KIAA0319L: variants seen among roughly 807,000 people sequenced by gnomAD.
The protein encoded by KIAA0319L is KIAA0319 like, also known as dyslexia-associated protein KIAA0319-like protein.
Under a neutral mutation model 120.1 loss-of-function variants are expected in KIAA0319L, and 55 were observed. The observed-to-expected ratio is 0.46, with a 90% CI of 0.37 to 0.57. KIAA0319L has a LOEUF of 0.57. Ranked by LOEUF, KIAA0319L falls within the 20% of genes least tolerant of loss-of-function variation. The pLI is 0.00. For missense variants in KIAA0319L, 1,049 were observed against 1,255.3 expected (o/e 0.84, Z 2.48); for synonymous variants, 398 against 471.9 (o/e 0.84, Z 2.03).
intron 3 of KIAA0319L, among the ~76,000 whole-genome samples, chr1:35,482,902 T>G (rs547691281): frequency 6.6e-5 from 10 of 152,232 alleles, no homozygotes; most frequent in South Asian, 2.1e-4. Context: ...CATATAATCT[T>G]GACAGAATTT....
At chr1:35,539,036 TAAG>T (rs1399206868) in intron 2 of KIAA0319L, among the ~76,000 whole-genome samples, 1 of 152,100 alleles carries the variant, frequency 6.6e-6, no homozygotes, top group Non-Finnish European at 1.5e-5. Context: ...GGCAGGGAAA[TAAG>T]AACACCCAAA....
At chr1:35,531,317 A>G (rs1425350031) in intron 2 of KIAA0319L, among the ~76,000 whole-genome samples, 1 of 152,158 alleles carries the variant, frequency 6.6e-6, no homozygotes, top group African/African-American at 2.4e-5. Context: ...TATACAGGAC[A>G]TTGTGTGGAC....
At chr1:35,550,140 C>T (rs1647145547) in intron 2 of KIAA0319L, among the ~76,000 whole-genome samples, 1 of 152,202 alleles carries the variant, frequency 6.6e-6, no homozygotes, top group Non-Finnish European at 1.5e-5. Flanking sequence ...TGCTTTCTAA[C>T]AGTAGGGCTT....
chr1:35,467,634 TTC>T (rs1643357268), intron 6 of KIAA0319L, among the ~76,000 whole-genome samples: 1 of 152,278 alleles, frequency 6.6e-6, no homozygotes, highest in African/African-American at 2.4e-5. Flanking sequence ...CTTTCTATTG[TTC>T]TTTCTTCCAT....
At chr1:35,464,094 T>C (rs1476338672) in intron 7 of KIAA0319L, among the ~76,000 whole-genome samples, 1 of 152,156 alleles carries the variant, frequency 6.6e-6, no homozygotes, top group African/African-American at 2.4e-5. Flanking sequence ...TGTGAAAACA[T>C]ACTGACACAG....
At chr1:35,457,240 CCA>C (rs1419941031) in intron 9 of KIAA0319L, among the ~76,000 whole-genome samples, 7 of 152,082 alleles carry the variant, frequency 4.6e-5, no homozygotes, top group African/African-American at 1.7e-4. Flanking sequence ...AGCTCAGAAA[CCA>C]AATCTTAAGA....
chr1:35,531,480 T>C (rs1646366655), intron 2 of KIAA0319L, among the ~76,000 whole-genome samples: 1 of 152,174 alleles, frequency 6.6e-6, no homozygotes, highest in Non-Finnish European at 1.5e-5. Context: ...ACTCTCAAAA[T>C]GGTCCTGTGT....
At chr1:35,466,927 A>C (rs1045051619) in intron 6 of KIAA0319L, among the ~76,000 whole-genome samples, 1 of 152,076 alleles carries the variant, frequency 6.6e-6, no homozygotes, top group African/African-American at 2.4e-5. Context: ...CCCCATCTCT[A>C]CCAAAAATAC....
Position 35,434,808 on chromosome 1 carries a change from G to T in KIAA0319L, c.*86C>A. 1 of 1,222,222 alleles carries T rather than the reference G, an allele frequency of 8.2e-7. No individual in the cohort carries two copies. Among genetic ancestry groups the T allele is most frequent in the Admixed American group, 2.3e-5 (1 of 43,138 alleles). 75.7% of individuals were successfully genotyped at this position (1,222,222 alleles called of 1,614,324 possible). The stretch of plus-strand genomic sequence containing the variant: ...AGGGCGAAATGACCAGCAGATGCTG[G>T]GACAGCAGCTGCCCGCAGACTCGGG... On this transcript the variant is annotated 3_prime_UTR_variant, in exon 21 of 21. Coordinates refer to ENST00000325722, the MANE Select transcript of KIAA0319L (RefSeq NM_024874.5).
rs1353364841 is a variant in KIAA0319L at position 35,448,206 on chromosome 1, A to G, written c.2480T>C (p.Ile827Thr). ...VLLGVLDSDI[I>T]VQKIQPYTEQ... ...CGTGTACGGCTGAATCTTTTGCACAATGATGTCGGAATCCAGCACCCCCAG... is the reference window on the plus strand; with the variant it reads ...CGTGTACGGCTGAATCTTTTGCACAGTGATGTCGGAATCCAGCACCCCCAG... The change falls in exon 16 of 21, where the codon ATT (isoleucine) becomes ACT (threonine). Residue 827 changes from isoleucine (I) to threonine (T), a missense_variant. Coordinates refer to ENST00000325722, the MANE Select transcript of KIAA0319L (RefSeq NM_024874.5). 5 of 1,613,750 alleles carry G rather than the reference A, an allele frequency of 3.1e-6. No homozygotes were observed. The highest frequency in any genetic ancestry group is 1.7e-5 in the Admixed American group (1 of 59,972).
chr1:35,461,064 T>A (rs1424667412), intron 8 of KIAA0319L, among the ~76,000 whole-genome samples: 1 of 152,206 alleles, frequency 6.6e-6, no homozygotes, highest in Non-Finnish European at 1.5e-5. Context: ...CAATAGAGAT[T>A]GACTGAAAAC....
intron 20 of KIAA0319L, 96 bp from the exon 21 acceptor site, chr1:35,435,177 G>A: frequency 9.2e-7 from 1 of 1,085,442 alleles, no homozygotes; most frequent in Admixed American, 2.1e-5. Context: ...AAGGAACAGG[G>A]CAAGTCACAG....
At chr1:35,464,440 GA>G (rs1643114990) in intron 7 of KIAA0319L, among the ~76,000 whole-genome samples, 1 of 152,220 alleles carries the variant, frequency 6.6e-6, no homozygotes, top group Non-Finnish European at 1.5e-5. Context: ...TTGAACTTGA[GA>G]GATGATTTAG....
At chr1:35,501,822 G>A (rs1645017219) in intron 3 of KIAA0319L, among the ~76,000 whole-genome samples, 1 of 149,244 alleles carries the variant, frequency 6.7e-6, no homozygotes, top group African/African-American at 2.5e-5. Context: ...AGGTTGCAGT[G>A]AGCCAAGATC....
intron 3 of KIAA0319L, among the ~76,000 whole-genome samples, chr1:35,492,115 A>G (rs1444847027): frequency 6.6e-6 from 1 of 152,232 alleles, no homozygotes; most frequent in Non-Finnish European, 1.5e-5. Context: ...CAGAAAACTG[A>G]AGAAAAGGAA....
chr1:35,503,201 G>A (rs1645073025), intron 3 of KIAA0319L, among the ~76,000 whole-genome samples: 1 of 152,100 alleles, frequency 6.6e-6, no homozygotes, highest in African/African-American at 2.4e-5. Flanking sequence ...GAAAAAACAA[G>A]AAAGAGATGA....
chr1:35,444,026 G>A (rs1055571902), intron 17 of KIAA0319L, 135 bp downstream of exon 17: 2 of 737,474 alleles, frequency 2.7e-6, no homozygotes, highest in Admixed American at 3.2e-5. Flanking sequence ...CTCTTTCATG[G>A]TAATAGTAGT....
chr1:35,459,143 T>C (rs1363389418), intron 9 of KIAA0319L, among the ~76,000 whole-genome samples: 1 of 152,086 alleles, frequency 6.6e-6, no homozygotes, highest in Admixed American at 6.5e-5. Context: ...AGGAGAGCCA[T>C]ATTCTCTCCT....
intron 2 of KIAA0319L, among the ~76,000 whole-genome samples, chr1:35,531,293 T>C (rs1646357788): frequency 6.6e-6 from 1 of 152,236 alleles, no homozygotes; most frequent in Admixed American, 6.5e-5. Flanking sequence ...TACACTACAC[T>C]GCCCTTTCCC....
Sources: gnomAD v4.1 joint callset for allele counts (sites outside exome capture counted in the v4.1 genomes callset) on GRCh38, gnomAD v4.1.1 for gene constraint, MANE v1.5 for transcripts, NCBI Gene and HGNC (gene_info 2026-07-23, HGNC 2026-07-21) for gene names.